CNTNAP5: variants seen among roughly 807,000 people sequenced by gnomAD.
CNTNAP5 encodes the protein contactin-associated protein-like 5.
CNTNAP5 carries 72 observed loss-of-function variants against 150.2 expected under a neutral mutation model. The observed-to-expected ratio is 0.48, with a 90% CI of 0.40 to 0.58. The LOEUF is 0.58. CNTNAP5 is among the 20% of genes least tolerant of loss of function. CNTNAP5 has a pLI of 0.00. For synonymous variants in CNTNAP5, 672 were observed against 619.8 expected (o/e 1.08, Z -1.25); for missense variants, 1,636 against 1,626.2 (o/e 1.01, Z -0.10).
At chr2:124,103,269 A>C (rs1316784460) in intron 1 of CNTNAP5, among the ~76,000 whole-genome samples, 1 of 152,114 alleles carries the variant, frequency 6.6e-6, no homozygotes, top group Non-Finnish European at 1.5e-5. Context: ...AAAGTGAAAT[A>C]AAATTAAAAA....
intron 14 of CNTNAP5, among the ~76,000 whole-genome samples, chr2:124,761,377 C>T (rs1680952066): frequency 6.6e-6 from 1 of 152,136 alleles, no homozygotes; most frequent in Admixed American, 6.6e-5. Context: ...AGGCTCAACA[C>T]AGCCTTCATC....
At chr2:124,114,475 T>G (rs527923265) in intron 1 of CNTNAP5, among the ~76,000 whole-genome samples, 1 of 152,042 alleles carries the variant, frequency 6.6e-6, no homozygotes, top group Non-Finnish European at 1.5e-5. Context: ...TTGACCTTGA[T>G]TCATCAGCCT....
At chr2:124,171,685 T>C (rs1158062588) in intron 1 of CNTNAP5, among the ~76,000 whole-genome samples, 1 of 152,234 alleles carries the variant, frequency 6.6e-6, no homozygotes, top group Non-Finnish European at 1.5e-5. Context: ...CAAGGTGTCC[T>C]AGCCATTCTG....
At chr2:124,527,525 C>A (rs1695002566) in intron 10 of CNTNAP5, 69 bp downstream of exon 10, 2 of 1,292,748 alleles carry the variant, frequency 1.5e-6, no homozygotes. Flanking sequence ...ATATGAGTTT[C>A]TTTAAGCAAA....
chr2:124,597,804 T>C (rs1284156749), intron 11 of CNTNAP5, among the ~76,000 whole-genome samples: 1 of 151,428 alleles, frequency 6.6e-6, no homozygotes, highest in Non-Finnish European at 1.5e-5. Context: ...ATTTGGTCTT[T>C]TCACATAGTC....
At chr2:124,690,368 G>C (rs1679276632) in intron 13 of CNTNAP5, among the ~76,000 whole-genome samples, 1 of 152,052 alleles carries the variant, frequency 6.6e-6, no homozygotes, top group Admixed American at 6.6e-5. Context: ...TCCAGAAGCA[G>C]TGTTTCCCCT....
intron 21 of CNTNAP5, among the ~76,000 whole-genome samples, chr2:124,884,746 T>G (rs1309964269): frequency 6.6e-6 from 1 of 151,964 alleles, no homozygotes; most frequent in African/African-American, 2.4e-5. Flanking sequence ...TCCCTTTATG[T>G]CTCATTTTTT....
At chr2:124,263,307 CCT>C (rs1325180717) in intron 3 of CNTNAP5, among the ~76,000 whole-genome samples, 2 of 152,076 alleles carry the variant, frequency 1.3e-5, no homozygotes, top group Admixed American at 1.3e-4. Flanking sequence ...CTCTCCAGCA[CCT>C]GTTGTTTCCT....
At chr2:124,356,390 C>A (rs560073752) in intron 3 of CNTNAP5, among the ~76,000 whole-genome samples, 1 of 149,902 alleles carries the variant, frequency 6.7e-6, no homozygotes, top group Non-Finnish European at 1.5e-5. Context: ...ATGTGCCATG[C>A]TGGTGCGCTG....
chr2:124,806,882 G>A (rs566187934), intron 19 of CNTNAP5, among the ~76,000 whole-genome samples: 9 of 151,010 alleles, frequency 6.0e-5, no homozygotes, highest in East Asian at 3.9e-4. Context: ...ACAGACCAAA[G>A]AACAGGCTAG....
At chr2:124,419,928 C>CTTTCTTTT (rs1553466638) in intron 4 of CNTNAP5, among the ~76,000 whole-genome samples, 3 of 127,132 alleles carry the variant, frequency 2.4e-5, no homozygotes, top group African/African-American at 9.2e-5. Flanking sequence ...TTCTTTCTTT[C>CTTTCTTTT]TTTCTTTCTT....
At chr2:124,244,353 GTGATTA>G (rs1204162535) in intron 3 of CNTNAP5, among the ~76,000 whole-genome samples, 1 of 152,110 alleles carries the variant, frequency 6.6e-6, no homozygotes, top group Non-Finnish European at 1.5e-5. Flanking sequence ...TTATTTTGGG[GTGATTA>G]TTAAGAGAAC....
chr2:124,650,785 A>G (rs776685406), intron 13 of CNTNAP5, among the ~76,000 whole-genome samples: 4 of 152,176 alleles, frequency 2.6e-5, no homozygotes, highest in East Asian at 1.9e-4. Flanking sequence ...TTCATTAACT[A>G]TAGAGTATTT....
rs150763703 is a variant in CNTNAP5 at position 124,874,366 on chromosome 2, G to A, written c.3436+4604G>A. Among the ~76,000 whole-genome samples, 1,310 of 152,170 alleles carry A rather than the reference G, an allele frequency of 8.6e-3. 4 individuals are homozygous for A. Among genetic ancestry groups the A allele is most frequent in the Non-Finnish European group, 0.014 (927 of 67,962 alleles). On this transcript the variant is annotated intron_variant, in intron 21 of 23. Coordinates refer to ENST00000682447, the MANE Select transcript of CNTNAP5 (RefSeq NM_001367498.1). ...GCTTATTTCATTTGAAAGTATAGAT[G>A]TGTATGCCTCAGATTCAAACATAGT...
chr2:124,881,274 G>A (rs1055405097), intron 21 of CNTNAP5, among the ~76,000 whole-genome samples: 7 of 152,102 alleles, frequency 4.6e-5, no homozygotes, highest in Admixed American at 2.0e-4. Context: ...GGATACGAAA[G>A]AGATAGCAAT....
At chr2:124,636,177 C>A (rs1677964781) in intron 12 of CNTNAP5, among the ~76,000 whole-genome samples, 1 of 152,166 alleles carries the variant, frequency 6.6e-6, no homozygotes, top group Non-Finnish European at 1.5e-5. Flanking sequence ...ACATTTCCTA[C>A]TTTTGGCAAA....
intron 1 of CNTNAP5, among the ~76,000 whole-genome samples, chr2:124,064,632 C>G (rs1253993173): frequency 6.6e-6 from 1 of 152,066 alleles, no homozygotes; most frequent in East Asian, 1.9e-4. Flanking sequence ...TAGCTCATTG[C>G]TTTTTGATAA....
chr2:124,895,739 C>T lies in CNTNAP5; in HGVS notation c.3437-7143C>T, dbSNP rs1022776354. Among the ~76,000 whole-genome samples the T allele has an allele frequency of 5.9e-5, 9 of 151,572 alleles. 1 individual carries two copies. Among genetic ancestry groups the T allele is most frequent in the African/African-American group, 2.2e-4 (9 of 40,904 alleles). The stretch of plus-strand genomic sequence containing the variant: ...GACTTGATAACCACACACATGGACA[C>T]ACATGCAATTATGAAGTTAGTGGAA... On this transcript the variant is annotated intron_variant, in intron 21 of 23. Coordinates refer to ENST00000682447, the MANE Select transcript of CNTNAP5 (RefSeq NM_001367498.1).
chr2:124,685,444 C>T (rs1401664678), intron 13 of CNTNAP5, among the ~76,000 whole-genome samples: 1 of 141,636 alleles, frequency 7.1e-6, no homozygotes, highest in East Asian at 2.0e-4. Flanking sequence ...AAATATTTTC[C>T]TTGTAGGTTA....
Sources: gnomAD v4.1 joint callset for allele counts (sites outside exome capture counted in the v4.1 genomes callset) on GRCh38, gnomAD v4.1.1 for gene constraint, MANE v1.5 for transcripts, NCBI Gene and HGNC (gene_info 2026-07-23, HGNC 2026-07-21) for gene names.